TTLL8: variants seen among roughly 807,000 people sequenced by gnomAD.
TTLL8 encodes protein monoglycylase TTLL8.
TTLL8 carries 65 observed loss-of-function variants against 77.8 expected under a neutral mutation model. The observed-to-expected ratio is 0.84, with a 90% CI of 0.68 to 1.03. The LOEUF (loss-of-function observed/expected upper bound fraction) is 1.03. Ranked by LOEUF, TTLL8 falls within the 50% of genes least tolerant of loss-of-function variation. TTLL8 has a pLI of 0.00. For synonymous variants in TTLL8, 402 were observed against 422.8 expected (o/e 0.95, Z 0.60); for missense variants, 910 against 1,004.5 (o/e 0.91, Z 1.27).
chr22:50,047,488 C>T (rs1429111579), intron 3 of TTLL8, among the ~76,000 whole-genome samples, 192 bp from the exon 6 acceptor site: 6 of 152,312 alleles, frequency 3.9e-5, no homozygotes, highest in Non-Finnish European at 8.8e-5. Context: ...GGACCACATA[C>T]GGTTTCCACA....
chr22:50,039,250 A>G (rs2061354107), intron 8 of TTLL8, among the ~76,000 whole-genome samples: 1 of 152,228 alleles, frequency 6.6e-6, no homozygotes, highest in Non-Finnish European at 1.5e-5. Context: ...TTAATGAATT[A>G]ATTAAATTTA....
chr22:50,043,442 C>T (rs201874552), intron 6 of TTLL8, among the ~76,000 whole-genome samples: 635 of 20,260 alleles, frequency 0.031, 2 homozygotes, highest in Admixed American at 0.036. Context: ...GGTGCCGAGA[C>T]GTCCTTCGGT....
intron 12 of TTLL8, among the ~76,000 whole-genome samples, chr22:50,024,226 T>A (rs1307105007): frequency 6.6e-6 from 1 of 152,110 alleles, no homozygotes; most frequent in East Asian, 1.9e-4. Context: ...AACCTCCACC[T>A]CCTGGATTCA....
exon 2 of TTLL8, chr22:50,050,175 C>T: frequency 7.3e-7 from 1 of 1,365,986 alleles, no homozygotes; most frequent in Non-Finnish European, 9.8e-7. Flanking sequence ...AACTTCTTCT[C>T]TACCCAGCCC....
At position 50,034,427 on chromosome 22, in the gene TTLL8, GTTCACAGACGTGA is replaced by G. The variant is rs1298591751; in HGVS notation, c.944_956del (p.Ile315ThrfsTer15). 7.3e-7 allele frequency: 1 copy of G among 1,367,296 alleles called. No individual in the cohort carries two copies. Among genetic ancestry groups the G allele is most frequent in the Admixed American group, 1.9e-5 (1 of 52,580 alleles). The allele number at this position is 1,367,296 out of a possible 1,614,324, so 84.7% of individuals were successfully genotyped here. A position where few individuals can be genotyped will look rare whatever the true frequency, so the allele number is the denominator to read the frequency against. On this transcript the variant is annotated frameshift_variant, in exon 9 of 14. Coordinates refer to ENST00000266182, the Ensembl canonical transcript of TTLL8. LOFTEE classifies it high-confidence loss of function. This position sits in a 1 kb window ranked among gnomAD's most constrained non-coding sequence, Gnocchi z 4.1. ...GGAGCCCGTCAATGTCCGTCTGAGG[GTTCACAGACGTGA>G]TTCTATTCAGCAGAGCCTGGCACTG...
rs765262133 is a variant in TTLL8, at chr22:50,045,349, C to T, written c.549G>A (p.Trp183Ter). Residue 183 changes from tryptophan to a stop codon, truncating the protein, a stop_gained, in exon 6 of 14, where the codon TGG becomes TGA. Coordinates refer to ENST00000266182, the Ensembl canonical transcript of TTLL8. LOFTEE classifies it high-confidence loss of function. ...TGCTGCAGCTCTGGTGGCTGACCACCCACTTGAGGATGCTGGATGCCATGG... is the reference window on the plus strand; with the variant it reads ...TGCTGCAGCTCTGGTGGCTGACCACTCACTTGAGGATGCTGGATGCCATGG... 4 of 1,366,050 alleles carry T rather than the reference C, an allele frequency of 2.9e-6. No individual in the cohort carries two copies. The African/African-American group carries it at 5.9e-5, about 20-fold the overall frequency. The allele number at this position is 1,366,050 out of a possible 1,614,324, so 84.6% of individuals were successfully genotyped here.
Position 50,031,584 on chromosome 22 carries a change from C to A in TTLL8, c.1707+102G>T, listed in dbSNP as rs939270506. The stretch of plus-strand genomic sequence containing the variant: ...GGATCGGTGTCCTCCATAGACCCCG[C>A]TGCACTGGCGGCCTGCAGCTCCACC... On this transcript the variant is annotated intron_variant, in intron 11 of 13. Coordinates refer to ENST00000266182, the Ensembl canonical transcript of TTLL8. 67 of 1,196,350 alleles carry A rather than the reference C, an allele frequency of 5.6e-5. No individual in the cohort carries two copies. In the African/African-American group the frequency reaches 8.7e-4, roughly 16 times the overall value. The allele number at this position is 1,196,350 out of a possible 1,614,324, so 74.1% of individuals were successfully genotyped here.
chr22:50,049,897 A>AT (rs2146694745), intron 2 of TTLL8: 1 of 289,956 alleles, frequency 3.4e-6, no homozygotes, highest in East Asian at 1.8e-4. Flanking sequence ...GGACTCTGAG[A>AT]AGGGAGCAGG....
chr22:50,033,804 G>A (rs777668778), intron 9 of TTLL8, among the ~76,000 whole-genome samples: 6 of 152,226 alleles, frequency 3.9e-5, no homozygotes, highest in Non-Finnish European at 8.8e-5. Context: ...GGAGGCCGAG[G>A]CAGGTGAATC....
At chr22:50,022,510 A>G (rs1315245180) in intron 12 of TTLL8, among the ~76,000 whole-genome samples, 1 of 141,874 alleles carries the variant, frequency 7.0e-6, no homozygotes, top group South Asian at 2.3e-4. Context: ...TCCATCTGAC[A>G]ATGTGTACTC....
At chr22:50,030,386 G>A (rs2146643296) in intron 12 of TTLL8, 44 bp downstream of exon 13, 9 of 1,264,904 alleles carry the variant, frequency 7.1e-6, no homozygotes, top group Admixed American at 2.5e-5. Flanking sequence ...GGATGCAGCA[G>A]GCGGCCCCCA....
At chr22:50,021,062 CCTGCACTCCTCCATCTGATGAT>C in intron 12 of TTLL8, among the ~76,000 whole-genome samples, 1 of 126,960 alleles carries the variant, frequency 7.9e-6, no homozygotes, top group East Asian at 2.5e-4. Context: ...CTCCATCTGA[CCTGCACTCCTCCATCTGATGAT>C]GTGCACTCCT....
At chr22:50,056,817 C>A (rs2061473190), upstream of TTLL8, 2 of 1,289,618 alleles carry the variant, frequency 1.6e-6, no homozygotes, top group Non-Finnish European at 2.0e-6. This position sits in a 1 kb window ranked among gnomAD's most constrained non-coding sequence, Gnocchi z 4.1. Flanking sequence ...TGCCTCTGAG[C>A]CCGGGCCACT....
intron 6 of TTLL8, among the ~76,000 whole-genome samples, chr22:50,043,076 G>A (rs930265328): frequency 2.6e-5 from 4 of 152,208 alleles, no homozygotes; most frequent in Non-Finnish European, 4.4e-5. Context: ...GTCAAAACCT[G>A]GAAGTGACCG....
At chr22:50,057,520 G>A (rs1364923745), upstream of TTLL8, among the ~76,000 whole-genome samples, 6 of 107,272 alleles carry the variant, frequency 5.6e-5, no homozygotes, top group East Asian at 3.1e-4. Flanking sequence ...GGGTTGGGGG[G>A]TCAGGTCTGG....
At chr22:50,047,399 T>A in intron 3 of TTLL8, 103 bp from the exon 6 acceptor site, 1 of 987,290 alleles carries the variant, frequency 1.0e-6, no homozygotes, top group Non-Finnish European at 1.4e-6. Context: ...GCGTGCAGCG[T>A]GAGGATCCCA....
chr22:50,032,952 T>A (rs1018770014), intron 10 of TTLL8, among the ~76,000 whole-genome samples: 69 of 152,280 alleles, frequency 4.5e-4, no homozygotes, highest in Non-Finnish European at 5.9e-5. Context: ...TGGTGCCTTT[T>A]AAGATTTTCC....
chr22:50,033,039 A>G (rs742181), intron 10 of TTLL8, 163 bp downstream of exon 11: 391,075 of 710,910 alleles, frequency 0.55, 109,657 homozygotes, highest in Non-Finnish European at 0.58. Context: ...CCTCGGGGAG[A>G]TCATCAGCCT....
chr22:50,043,364 TAGATGGATAGATAAATAA>T (rs2061385494), intron 6 of TTLL8, among the ~76,000 whole-genome samples: 1 of 92,002 alleles, frequency 1.1e-5, no homozygotes, highest in African/African-American at 4.7e-5. Flanking sequence ...CACCCTTCGG[TAGATGGATAGATAAATAA>T]ACAGTGGTGC....
Sources: allele counts gnomAD v4.1 joint callset (sites outside exome capture counted in the v4.1 genomes callset), GRCh38; gene constraint gnomAD v4.1.1; non-coding constraint Gnocchi (gnomAD v3.1); transcripts MANE v1.5; gene names NCBI Gene and HGNC (gene_info 2026-07-23, HGNC 2026-07-21).